Variants in SLC39A9 observed in about 807,000 individuals in gnomAD.
The protein encoded by SLC39A9 is zinc transporter ZIP9.
SLC39A9 carries 14 observed loss-of-function variants against 28.4 expected under a neutral mutation model. The ratio of observed to expected loss-of-function variants is 0.49; its 90% CI spans 0.33 to 0.77. The LOEUF (loss-of-function observed/expected upper bound fraction) is 0.77. Ranked by LOEUF, SLC39A9 falls within the 30% of genes least tolerant of loss-of-function variation. The probability of loss-of-function intolerance (pLI) is 0.02; values close to 1 mark genes in which losing one functional copy is unlikely to be tolerated. For synonymous variants in SLC39A9, 119 were observed against 149.6 expected, an observed-to-expected ratio of 0.80 and a Z score of 1.49; for missense variants, 283 against 381.1, an observed-to-expected ratio of 0.74 and a Z score of 2.14.
rs997656490 is a variant in SLC39A9, at chr14:69,458,720, C to T, written c.*127C>T. 1 of 1,420,248 alleles carries T rather than the reference C, an allele frequency of 7.0e-7. No individual in the cohort carries two copies. The highest frequency in any genetic ancestry group is 1.4e-5 in the African/African-American group (1 of 69,554). The allele number at this position is 1,420,248 out of a possible 1,614,324, so 88.0% of individuals were successfully genotyped here. ...CATCTCTACATGTATTCCTAGAGTC[C>T]AGAGGGGAGGTGAGGTTAAAACCTG... On this transcript the variant is annotated 3_prime_UTR_variant, in exon 7 of 7. Transcript: ENST00000336643.
At chr14:69,428,580 C>A (rs1233845005) in intron 2 of SLC39A9, 3 of 152,574 alleles carry the variant, frequency 2.0e-5, no homozygotes. Context: ...ACAGTTGTGC[C>A]CAGATCAGCT....
intron 1 of SLC39A9, among the ~76,000 whole-genome samples, chr14:69,410,925 T>A (rs1883227266): frequency 6.6e-6 from 1 of 152,080 alleles, no homozygotes; most frequent in South Asian, 2.1e-4. Context: ...TCAAAAGCTT[T>A]TAAAGACTGG....
chr14:69,453,395 G>C (rs1363305941), intron 4 of SLC39A9, 86 bp downstream of exon 4: 2 of 1,285,480 alleles, frequency 1.6e-6, no homozygotes, highest in Non-Finnish European at 2.3e-6. Flanking sequence ...CGTCCTCATT[G>C]AATGCTCTTG....
Position 69,458,437 on chromosome 14 carries a change from T to G in SLC39A9, c.768T>G (p.Tyr256Ter), listed in dbSNP as rs528668310. 6.2e-7 allele frequency: 1 copy of G among 1,614,258 alleles called. No homozygotes were observed. The highest frequency in any genetic ancestry group is 1.1e-5 in the South Asian group (1 of 91,092). The change falls in exon 7 of 7, where the codon TAT (tyrosine) becomes TAG (stop). Residue 256 changes from tyrosine to a stop codon, truncating the protein, a stop_gained. Transcript: ENST00000336643. LOFTEE classifies it high-confidence loss of function. Reference protein sequence around the residue: ...AMLFSAGTFLYVATVHVLPEV... With the variant: ...AMLFSAGTFL ...TTTTCTCTGCCGGGACATTTCTTTA[T>G]GTTGCCACAGTACATGTCCTCCCTG...
At chr14:69,407,784 G>A (rs991674293) in intron 1 of SLC39A9, among the ~76,000 whole-genome samples, 3 of 151,678 alleles carry the variant, frequency 2.0e-5, no homozygotes, top group Admixed American at 6.6e-5. Flanking sequence ...GATTACAGGC[G>A]CCTGCCACCA....
chr14:69,427,983 A>G (rs1884286471), intron 2 of SLC39A9, among the ~76,000 whole-genome samples: 1 of 152,234 alleles, frequency 6.6e-6, no homozygotes, highest in African/African-American at 2.4e-5. Flanking sequence ...TTGATGGTTT[A>G]CAAAAAGTTT....
intron 3 of SLC39A9, among the ~76,000 whole-genome samples, chr14:69,451,279 C>A (rs1403816647): frequency 1.3e-5 from 2 of 152,224 alleles, no homozygotes; most frequent in East Asian, 3.9e-4. Flanking sequence ...CCATTGTAAA[C>A]CCCTTCCTTT....
chr14:69,415,600 C>A (rs1883525333), intron 1 of SLC39A9, among the ~76,000 whole-genome samples: 1 of 152,178 alleles, frequency 6.6e-6, no homozygotes, highest in Non-Finnish European at 1.5e-5. Flanking sequence ...TTACAAGTAC[C>A]TAGTAGCCAT....
chr14:69,405,882 G>A (rs566719211), intron 1 of SLC39A9, among the ~76,000 whole-genome samples: 18 of 152,110 alleles, frequency 1.2e-4, no homozygotes, highest in South Asian at 2.1e-4. Context: ...ACCAGGCAAT[G>A]ATATGCACTA....
chr14:69,453,453 G>A, intron 4 of SLC39A9, 144 bp downstream of exon 4: 1 of 650,506 alleles, frequency 1.5e-6, no homozygotes. Context: ...TCCAACACAA[G>A]CACAAGCTTG....
intron 1 of SLC39A9, among the ~76,000 whole-genome samples, chr14:69,415,716 C>T (rs192011236): frequency 6.6e-6 from 1 of 152,072 alleles, no homozygotes; most frequent in Non-Finnish European, 1.5e-5. Flanking sequence ...GCTTTAGTTT[C>T]CCCTTTTTCA....
chr14:69,412,572 T>C (rs886233664), intron 1 of SLC39A9, among the ~76,000 whole-genome samples: 2 of 152,180 alleles, frequency 1.3e-5, no homozygotes, highest in Non-Finnish European at 2.9e-5. Flanking sequence ...GCTACATTTG[T>C]GTAATTGTTT....
At chr14:69,445,837 A>G (rs1014468958) in intron 3 of SLC39A9, among the ~76,000 whole-genome samples, 6 of 152,260 alleles carry the variant, frequency 3.9e-5, no homozygotes, top group African/African-American at 1.4e-4. Context: ...TTCAAAAAAT[A>G]GAATGAAACC....
intron 1 of SLC39A9, among the ~76,000 whole-genome samples, chr14:69,402,078 C>T (rs1472756691): frequency 6.6e-6 from 1 of 152,126 alleles, no homozygotes; most frequent in Non-Finnish European, 1.5e-5. Flanking sequence ...GGAAGTCTGG[C>T]TTTCTTAGAG....
At chr14:69,437,030 G>A (rs1884796390) in intron 2 of SLC39A9, among the ~76,000 whole-genome samples, 1 of 152,100 alleles carries the variant, frequency 6.6e-6, no homozygotes, top group South Asian at 2.1e-4. Context: ...ACCACACCCG[G>A]CTAATTTTTT....
Position 69,399,180 on chromosome 14 carries a change from C to CA in SLC39A9, c.-185dup, listed in dbSNP as rs781634100. The CA allele has an allele frequency of 8.4e-6, 5 of 592,540 alleles. No homozygotes were observed. Among genetic ancestry groups the CA allele is most frequent in the South Asian group, 8.3e-5 (4 of 48,144 alleles). 36.7% of individuals were successfully genotyped at this position (592,540 alleles called of 1,614,324 possible). ...AAGCTTTCTCTGGTGCTAATATCAGCAAAAAGGGTCTGTTGCCGGGTACGT... is the reference window on the plus strand; with the variant it reads ...AAGCTTTCTCTGGTGCTAATATCAGCAAAAAAGGGTCTGTTGCCGGGTACGT... On this transcript the variant is annotated 5_prime_UTR_variant, in exon 1 of 7. Coordinates refer to ENST00000336643, the MANE Select transcript of SLC39A9 (RefSeq NM_018375.5).
chr14:69,456,101 A>G (rs898918243), intron 6 of SLC39A9, among the ~76,000 whole-genome samples: 2 of 152,220 alleles, frequency 1.3e-5, no homozygotes, highest in African/African-American at 4.8e-5. Flanking sequence ...GAATATTTGC[A>G]TAAATATGAT....
chr14:69,407,302 C>CCTTCCTTCCTTCCTTCCTTCCTT (rs1555405708), intron 1 of SLC39A9, among the ~76,000 whole-genome samples: 17 of 143,938 alleles, frequency 1.2e-4, no homozygotes, highest in African/African-American at 4.3e-4. Context: ...TCCCTTCCTT[C>CCTTCCTTCCTTCCTTCCTTCCTT]CCTTCCTTCC....
intron 1 of SLC39A9, among the ~76,000 whole-genome samples, chr14:69,422,329 A>G (rs916874266): frequency 1.3e-5 from 2 of 152,158 alleles, no homozygotes; most frequent in Admixed American, 6.5e-5. Context: ...ATCATAGCTC[A>G]CTATAGCCTC....
Sources: allele counts gnomAD v4.1 joint callset (sites outside exome capture counted in the v4.1 genomes callset), GRCh38; gene constraint gnomAD v4.1.1; transcripts MANE v1.5; gene names NCBI Gene and HGNC (gene_info 2026-07-23, HGNC 2026-07-21).